The following CDC14B variants were observed in gnomAD, a reference collection of about 807,000 sequenced individuals.
The protein encoded by CDC14B is cell division cycle 14B.
A neutral mutation model predicts 64.2 loss-of-function variants in CDC14B; 22 were observed. That is an observed-to-expected ratio of 0.34 (90% CI 0.24 to 0.49). The LOEUF is 0.49. Among genes scored for constraint, CDC14B ranks in the 20% least tolerant of loss-of-function variants. The pLI, the probability that CDC14B is intolerant of heterozygous loss-of-function variation, is 0.99. For synonymous variants in CDC14B, 191 were observed against 215.8 expected (o/e 0.89, Z 1.01); for missense variants, 498 against 629.9 (o/e 0.79, Z 2.24).
intron 1 of CDC14B, among the ~76,000 whole-genome samples, chr9:96,584,718 A>G (rs1370053001): frequency 6.6e-6 from 1 of 152,190 alleles, no homozygotes; most frequent in Non-Finnish European, 1.5e-5. Context: ...CAGTGGCACA[A>G]TCTTGGCTCA....
intron 4 of CDC14B, 22 bp downstream of exon 4, chr9:96,562,671 C>T (rs1357295081): frequency 6.7e-7 from 1 of 1,502,236 alleles, no homozygotes; most frequent in South Asian, 1.1e-5. Context: ...TTTATGAATA[C>T]ATTAGGAAAA....
intron 7 of CDC14B, among the ~76,000 whole-genome samples, chr9:96,537,338 A>AT (rs964299743): frequency 8.2e-4 from 125 of 151,898 alleles, no homozygotes; most frequent in African/African-American, 2.8e-3. Flanking sequence ...TAGAAAATAA[A>AT]TTTTTTTTTG....
chr9:96,504,373 T>C (rs1833849141), intron 13 of CDC14B, among the ~76,000 whole-genome samples: 1 of 152,006 alleles, frequency 6.6e-6, no homozygotes, highest in Non-Finnish European at 1.5e-5. Flanking sequence ...CGCTACACTT[T>C]CAGGTCAGTA....
chr9:96,581,612 G>T (rs542796822), intron 1 of CDC14B, among the ~76,000 whole-genome samples: 58 of 152,194 alleles, frequency 3.8e-4, no homozygotes, highest in African/African-American at 1.3e-3. Flanking sequence ...AGTTACAGTG[G>T]TTATCAAGGA....
chr9:96,549,292 C>T (rs2132014387), intron 5 of CDC14B, among the ~76,000 whole-genome samples: 1 of 152,238 alleles, frequency 6.6e-6, no homozygotes, highest in South Asian at 2.1e-4. Context: ...CATAAAATTG[C>T]TCTATTCGAT....
intron 12 of CDC14B, among the ~76,000 whole-genome samples, chr9:96,521,195 G>A (rs764341286): frequency 6.6e-5 from 10 of 151,906 alleles, no homozygotes; most frequent in Non-Finnish European, 1.0e-4. Flanking sequence ...TCACCCTCCC[G>A]AGTAGCTGGG....
At chr9:96,503,907 GCTGTAAGTTT>G (rs1833779118) in intron 13 of CDC14B, 118 bp from the exon 14 acceptor site, 6 of 736,806 alleles carry the variant, frequency 8.1e-6, no homozygotes, top group Non-Finnish European at 1.4e-5. Context: ...GTATACGCTT[GCTGTAAGTTT>G]CTAATGACAA....
chr9:96,494,971 A>G (rs1247870393), intron 13 of CDC14B, among the ~76,000 whole-genome samples: 6 of 151,416 alleles, frequency 4.0e-5, no homozygotes, highest in African/African-American at 9.7e-5. Context: ...AGTAGCTGGG[A>G]CTACAGGTAC....
chr9:96,520,130 G>A (rs1187271834), intron 12 of CDC14B, among the ~76,000 whole-genome samples: 2 of 152,202 alleles, frequency 1.3e-5, no homozygotes, highest in Non-Finnish European at 2.9e-5. Flanking sequence ...AATGTTGTAA[G>A]GGAGGAGGAA....
Position 96,528,066 on chromosome 9 carries a change from A to G in CDC14B, c.947-4341T>C, listed in dbSNP as rs576247181. 3.3e-5 allele frequency among the ~76,000 whole-genome samples: 5 copies of G among 152,336 alleles called. No homozygotes were observed. The South Asian group carries it at 1.0e-3, about 32-fold the overall frequency. Reference sequence around the variant, plus strand: ...TGACTGGCAAACCTAAATTGGCCTAATATCTTTAAGGTTCATCCATGTGGC... The same window carrying G: ...TGACTGGCAAACCTAAATTGGCCTAGTATCTTTAAGGTTCATCCATGTGGC... On this transcript the variant is annotated intron_variant, in intron 9 of 13. Transcript: ENST00000375241.
At chr9:96,578,145 C>T (rs1295748031) in intron 1 of CDC14B, among the ~76,000 whole-genome samples, 2 of 152,116 alleles carry the variant, frequency 1.3e-5, no homozygotes, top group African/African-American at 2.4e-5. Context: ...AAATAAAGAA[C>T]AATTTGAGCA....
chr9:96,576,951 T>C (rs1457100651), intron 1 of CDC14B, among the ~76,000 whole-genome samples: 4 of 152,126 alleles, frequency 2.6e-5, no homozygotes, highest in Non-Finnish European at 4.4e-5. Context: ...ATGACTACAA[T>C]ACAATAAAAG....
rs7867765 is a variant in CDC14B at position 96,523,411 on chromosome 9, G to T, written c.1095C>A (p.Thr365=). ...PQQQFLVMKQ[T]NLWLEGDYFR... ...AATAGTCCCCTTCCAGCCAGAGGTTGGTTTGCTTCCTAGAGCATTTAAATA... is the reference window on the plus strand; with the variant it reads ...AATAGTCCCCTTCCAGCCAGAGGTTTGTTTGCTTCCTAGAGCATTTAAATA... The change falls in exon 11 of 14, where the codon ACC becomes ACA. Residue 365 remains threonine, a synonymous_variant. Transcript: ENST00000375241. 0.022 allele frequency: 35,967 copies of T among 1,613,830 alleles called. 6,334 individuals are homozygous for T. In the African/African-American group the frequency reaches 0.4, roughly 18 times the overall value.
downstream of CDC14B, among the ~76,000 whole-genome samples, chr9:96,499,340 G>C (rs192060232): frequency 5.9e-5 from 9 of 152,364 alleles, no homozygotes; most frequent in Admixed American, 2.0e-4. Flanking sequence ...TCAGCAGTAA[G>C]CTGTGTGTGA....
intron 1 of CDC14B, among the ~76,000 whole-genome samples, chr9:96,603,697 C>A (rs1473747869): frequency 6.6e-6 from 1 of 152,194 alleles, no homozygotes; most frequent in Admixed American, 6.5e-5. Context: ...CCACTTCTTA[C>A]AAGATTAGCA....
At chr9:96,607,577 C>A (rs1024485772) in intron 1 of CDC14B, among the ~76,000 whole-genome samples, 1 of 151,902 alleles carries the variant, frequency 6.6e-6, no homozygotes, top group African/African-American at 2.4e-5. Flanking sequence ...CCTGCCACCA[C>A]GCCTGGCTAA....
At chr9:96,580,031 C>T (rs912099198) in intron 1 of CDC14B, among the ~76,000 whole-genome samples, 2 of 151,404 alleles carry the variant, frequency 1.3e-5, no homozygotes, top group African/African-American at 2.4e-5. Flanking sequence ...ACACACAGTC[C>T]GATGAAAATA....
intron 1 of CDC14B, among the ~76,000 whole-genome samples, chr9:96,589,665 C>T (rs1433785515): frequency 2.0e-5 from 3 of 151,882 alleles, no homozygotes; most frequent in South Asian, 2.1e-4. Context: ...TTTTAAAAAC[C>T]GTAAGTTTTT....
chr9:96,608,118 T>C (rs1847088807), intron 1 of CDC14B, among the ~76,000 whole-genome samples: 1 of 152,246 alleles, frequency 6.6e-6, no homozygotes, highest in Non-Finnish European at 1.5e-5. Flanking sequence ...TGTGCTAGTG[T>C]CAATTCCCAG....
Sources: allele counts gnomAD v4.1 joint callset (sites outside exome capture counted in the v4.1 genomes callset), GRCh38; gene constraint gnomAD v4.1.1; transcripts MANE v1.5; gene names NCBI Gene and HGNC (gene_info 2026-07-23, HGNC 2026-07-21).